Variants in ULK4 observed in about 807,000 individuals in gnomAD.
ULK4 encodes the protein inactive serine/threonine-protein kinase ULK4.
ULK4 carries 133 observed loss-of-function variants against 160.6 expected under a neutral mutation model. The observed-to-expected ratio is 0.83, with a 90% CI of 0.72 to 0.96. The LOEUF is 0.96. Ranked by LOEUF, ULK4 falls within the 40% of genes least tolerant of loss-of-function variation. The pLI, the probability that ULK4 is intolerant of heterozygous loss-of-function variation, is 0.00. For missense variants in ULK4, 1,580 were observed against 1,499.5 expected (o/e 1.05, Z -0.89); for synonymous variants, 534 against 539.8 (o/e 0.99, Z 0.15).
chr3:41,288,030 AG>A (rs1453977039), intron 35 of ULK4, among the ~76,000 whole-genome samples: 1 of 152,158 alleles, frequency 6.6e-6, no homozygotes, highest in African/African-American at 2.4e-5. Context: ...AGGCTGCTTG[AG>A]TCTGAGGCAA....
chr3:41,439,597 T>C (rs2083116823), intron 34 of ULK4, among the ~76,000 whole-genome samples: 1 of 152,252 alleles, frequency 6.6e-6, no homozygotes, highest in Non-Finnish European at 1.5e-5. Context: ...TATAATTTTA[T>C]ATTCACTAAT....
intron 27 of ULK4, among the ~76,000 whole-genome samples, chr3:41,694,568 AGTATCTGAGAGAGATT>A (rs2036424706): frequency 1.3e-5 from 2 of 152,322 alleles, no homozygotes; most frequent in South Asian, 4.1e-4. Context: ...GTTGGGCCTC[AGTATCTGAGAGAGATT>A]GGTTCCAGAA....
chr3:41,724,826 C>T (rs950845876), intron 22 of ULK4, among the ~76,000 whole-genome samples: 1 of 152,128 alleles, frequency 6.6e-6, no homozygotes, highest in Non-Finnish European at 1.5e-5. Context: ...ATGTTGGTAA[C>T]TCATTGTGAT....
At chr3:41,941,972 T>C (rs774684658) in intron 2 of ULK4, among the ~76,000 whole-genome samples, 1 of 151,910 alleles carries the variant, frequency 6.6e-6, no homozygotes, top group Non-Finnish European at 1.5e-5. Context: ...CTCCTCATCA[T>C]TCAACATACG....
chr3:41,409,863 T>G (rs2082375730), intron 34 of ULK4, among the ~76,000 whole-genome samples: 1 of 151,582 alleles, frequency 6.6e-6, no homozygotes, highest in South Asian at 2.1e-4. Context: ...TCAGAAGAAC[T>G]GTTTGAACCC....
chr3:41,749,164 G>A (rs2038527004), intron 22 of ULK4, among the ~76,000 whole-genome samples: 1 of 152,216 alleles, frequency 6.6e-6, no homozygotes, highest in South Asian at 2.1e-4. Flanking sequence ...TAAATTACAT[G>A]AGATATTCCA....
chr3:41,300,837 TTA>T (rs66602936), intron 35 of ULK4, among the ~76,000 whole-genome samples: 1,809 of 57,192 alleles, frequency 0.032, 11 homozygotes, highest in Non-Finnish European at 0.046. Context: ...ATTTTACAGA[TTA>T]TATATATATA....
intron 22 of ULK4, among the ~76,000 whole-genome samples, chr3:41,741,555 T>G (rs2038238936): frequency 6.6e-6 from 1 of 152,022 alleles, no homozygotes; most frequent in Non-Finnish European, 1.5e-5. Context: ...GCATATATCC[T>G]GAACAATTCA....
chr3:41,681,140 T>C (rs376672160), intron 29 of ULK4, among the ~76,000 whole-genome samples: 32 of 152,328 alleles, frequency 2.1e-4, no homozygotes, highest in Non-Finnish European at 2.4e-4. Context: ...ATCTCTATTA[T>C]TTCTGAGTAG....
At chr3:41,641,223 G>A (rs939504444) in intron 30 of ULK4, among the ~76,000 whole-genome samples, 1 of 152,176 alleles carries the variant, frequency 6.6e-6, no homozygotes. Flanking sequence ...TGCAGCAGTG[G>A]AAGATGGAAC....
At chr3:41,572,747 C>T (rs565210754) in intron 31 of ULK4, among the ~76,000 whole-genome samples, 39 of 129,380 alleles carry the variant, frequency 3.0e-4, no homozygotes, top group Non-Finnish European at 5.5e-4. Flanking sequence ...GCCTGGGCGA[C>T]AGAGCAAGAT....
intron 34 of ULK4, among the ~76,000 whole-genome samples, chr3:41,429,539 C>T (rs549841241): frequency 4.6e-5 from 7 of 152,276 alleles, no homozygotes; most frequent in Admixed American, 1.3e-4. Flanking sequence ...AAACGTGGCA[C>T]ATATACATAC....
chr3:41,387,178 A>G (rs1329053048), intron 35 of ULK4, among the ~76,000 whole-genome samples: 1 of 152,174 alleles, frequency 6.6e-6, no homozygotes, highest in Non-Finnish European at 1.5e-5. Flanking sequence ...TAGTGGTCAG[A>G]TCAGGGTAAT....
At chr3:41,706,401 A>AT (rs2036887905) in intron 25 of ULK4, among the ~76,000 whole-genome samples, 1 of 145,674 alleles carries the variant, frequency 6.9e-6, no homozygotes, top group Non-Finnish European at 1.5e-5. Context: ...TATATTAAAT[A>AT]TATATAATTA....
chr3:41,477,500 C>T (rs980290545), intron 32 of ULK4, among the ~76,000 whole-genome samples: 1 of 152,198 alleles, frequency 6.6e-6, no homozygotes, highest in African/African-American at 2.4e-5. Context: ...GTCACTTACA[C>T]TAGGGTTTGT....
chr3:41,724,269 AT>A (rs1410905563), intron 22 of ULK4, among the ~76,000 whole-genome samples: 1 of 152,210 alleles, frequency 6.6e-6, no homozygotes, highest in African/African-American at 2.4e-5. Context: ...AGCATAACTT[AT>A]GCTGGATGCA....
chr3:41,564,437 C>T (rs1302659549), intron 32 of ULK4, among the ~76,000 whole-genome samples: 4 of 128,576 alleles, frequency 3.1e-5, no homozygotes, highest in African/African-American at 1.2e-4. Context: ...AGGGACGTTT[C>T]TTCTTCTTCT....
intron 8 of ULK4, among the ~76,000 whole-genome samples, chr3:41,913,449 T>G (rs897601683): frequency 5.3e-5 from 8 of 152,044 alleles, no homozygotes; most frequent in African/African-American, 1.9e-4. Flanking sequence ...GTGGTCTCGA[T>G]CTCCTCACCT....
chr3:41,824,225 G>A (rs140321477), intron 18 of ULK4, among the ~76,000 whole-genome samples: 1,774 of 150,998 alleles, frequency 0.012, 18 homozygotes, highest in Non-Finnish European at 0.015. Context: ...CCAGTCTACA[G>A]CTCCCAGCAT....
Sources: gnomAD v4.1 joint callset for allele counts (sites outside exome capture counted in the v4.1 genomes callset) on GRCh38, gnomAD v4.1.1 for gene constraint, MANE v1.5 for transcripts, NCBI Gene and HGNC (gene_info 2026-07-23, HGNC 2026-07-21) for gene names.